Variants in NKAIN2 observed in about 807,000 individuals in gnomAD.
The protein encoded by NKAIN2 is sodium/potassium-transporting ATPase subunit beta-1-interacting protein 2.
NKAIN2 carries 14 observed loss-of-function variants against 32.6 expected under a neutral mutation model. The observed-to-expected ratio is 0.43, with a 90% CI of 0.28 to 0.67. The LOEUF (loss-of-function observed/expected upper bound fraction) is 0.67. NKAIN2 is among the 30% of genes least tolerant of loss of function. The probability of loss-of-function intolerance (pLI) is 0.17; values close to 1 mark genes in which losing one functional copy is unlikely to be tolerated. For missense variants in NKAIN2, 198 were observed against 258.3 expected (o/e 0.77, Z 1.60); for synonymous variants, 80 against 87.2 (o/e 0.92, Z 0.46).
chr6:123,826,584 A>T (rs916775843), intron 1 of NKAIN2, among the ~76,000 whole-genome samples: 1 of 152,102 alleles, frequency 6.6e-6, no homozygotes, highest in Non-Finnish European at 1.5e-5. Context: ...ACTGTTCTAA[A>T]TATCTCATAT....
intron 1 of NKAIN2, among the ~76,000 whole-genome samples, chr6:124,259,427 T>C (rs939908440): frequency 4.6e-5 from 7 of 152,084 alleles, no homozygotes; most frequent in African/African-American, 1.4e-4. Flanking sequence ...GAACCCAAAT[T>C]AGGCAAATGT....
chr6:124,267,129 C>G (rs1327796266), intron 1 of NKAIN2, among the ~76,000 whole-genome samples: 1 of 151,570 alleles, frequency 6.6e-6, no homozygotes, highest in Non-Finnish European at 1.5e-5. Flanking sequence ...GAATGGCTGT[C>G]AGAACTCTGA....
At position 124,096,730 on chromosome 6, in the gene NKAIN2, T is replaced by C. The variant is rs562901558; in HGVS notation, c.55-186275T>C. Among the ~76,000 whole-genome samples the C allele has an allele frequency of 2.2e-3, 339 of 151,640 alleles. 2 individuals carry two copies. The highest frequency in any genetic ancestry group is 3.9e-3 in the Non-Finnish European group (266 of 67,848). ...AAAATTAGCCGGGCGTGGTGGCGGA[T>C]GCCTGTAGTCCCAGCTACTCTGGAG... On this transcript the variant is annotated intron_variant, in intron 1 of 6. Coordinates refer to ENST00000368417, the MANE Select transcript of NKAIN2 (RefSeq NM_001040214.3).
At chr6:124,564,487 C>T (rs1023680615) in intron 3 of NKAIN2, among the ~76,000 whole-genome samples, 1 of 36,106 alleles carries the variant, frequency 2.8e-5, no homozygotes, top group Non-Finnish European at 1.7e-4. Flanking sequence ...GCTGGCCAAC[C>T]CCCCCCTCCC....
At chr6:123,822,800 C>T (rs1211717504) in intron 1 of NKAIN2, among the ~76,000 whole-genome samples, 1 of 152,154 alleles carries the variant, frequency 6.6e-6, no homozygotes, top group Non-Finnish European at 1.5e-5. Context: ...CTCTATGCCT[C>T]AATTTCTTAA....
chr6:123,912,640 C>T (rs529098195), intron 1 of NKAIN2, among the ~76,000 whole-genome samples: 1 of 152,298 alleles, frequency 6.6e-6, no homozygotes, highest in African/African-American at 2.4e-5. Flanking sequence ...TCCTCTCTCT[C>T]TTGCTTCCTC....
chr6:124,306,547 C>G (rs751242626), intron 2 of NKAIN2, among the ~76,000 whole-genome samples: 2 of 152,120 alleles, frequency 1.3e-5, no homozygotes, highest in East Asian at 1.9e-4. Context: ...TGTCATGACT[C>G]AGTACTTCTA....
intron 3 of NKAIN2, among the ~76,000 whole-genome samples, chr6:124,492,551 A>ATTTCTAAT (rs1777905767): frequency 1.3e-5 from 2 of 151,960 alleles, no homozygotes; most frequent in Non-Finnish European, 2.9e-5. Context: ...CACCATTAGG[A>ATTTCTAAT]CTAAAGTCAG....
intron 3 of NKAIN2, among the ~76,000 whole-genome samples, chr6:124,474,172 A>T (rs1777090280): frequency 6.6e-6 from 1 of 151,932 alleles, no homozygotes; most frequent in South Asian, 2.1e-4. Context: ...GTATGATCAT[A>T]ATCTTTAGAG....
intron 4 of NKAIN2, among the ~76,000 whole-genome samples, chr6:124,686,833 G>A (rs920609194): frequency 6.6e-6 from 1 of 152,118 alleles, no homozygotes; most frequent in African/African-American, 2.4e-5. Flanking sequence ...TGAGGGTGAT[G>A]CCAAAGGAGA....
intron 2 of NKAIN2, among the ~76,000 whole-genome samples, chr6:124,335,142 C>A (rs1221490090): frequency 5.3e-5 from 8 of 152,014 alleles, no homozygotes; most frequent in Non-Finnish European, 1.2e-4. Flanking sequence ...AATATGCACC[C>A]AGTAAAAATT....
chr6:124,594,893 G>T (rs1177476790), intron 3 of NKAIN2, among the ~76,000 whole-genome samples: 1 of 152,104 alleles, frequency 6.6e-6, no homozygotes, highest in African/African-American at 2.4e-5. Flanking sequence ...TCACAGGAGG[G>T]AAGGTGGAAA....
At chr6:123,894,200 C>G (rs1250512975) in intron 1 of NKAIN2, among the ~76,000 whole-genome samples, 1 of 151,982 alleles carries the variant, frequency 6.6e-6, no homozygotes, top group Admixed American at 6.5e-5. Context: ...CTCTTGAGCC[C>G]TGAGCTGTCC....
chr6:124,424,385 T>G (rs1483318959), intron 3 of NKAIN2, among the ~76,000 whole-genome samples: 1 of 152,156 alleles, frequency 6.6e-6, no homozygotes, highest in Non-Finnish European at 1.5e-5. Flanking sequence ...GTTACTACTG[T>G]GTGTGTGTAT....
At chr6:123,969,837 G>A (rs1244711116) in intron 1 of NKAIN2, among the ~76,000 whole-genome samples, 1 of 151,980 alleles carries the variant, frequency 6.6e-6, no homozygotes, top group Non-Finnish European at 1.5e-5. Flanking sequence ...ATGATCTCTG[G>A]GTTACCCAAC....
chr6:124,591,383 G>A (rs911320899), intron 3 of NKAIN2, among the ~76,000 whole-genome samples: 12 of 152,182 alleles, frequency 7.9e-5, no homozygotes, highest in Non-Finnish European at 1.3e-4. Context: ...ATGTGAAATT[G>A]TATGGGGAGA....
chr6:123,884,876 A>T (rs1002781214), intron 1 of NKAIN2, among the ~76,000 whole-genome samples: 3 of 152,124 alleles, frequency 2.0e-5, no homozygotes, highest in Non-Finnish European at 2.9e-5. Flanking sequence ...CATTTCAGTC[A>T]TTTTAACAGT....
At chr6:124,397,151 A>G (rs1773415877) in intron 3 of NKAIN2, among the ~76,000 whole-genome samples, 1 of 152,030 alleles carries the variant, frequency 6.6e-6, no homozygotes, top group African/African-American at 2.4e-5. Flanking sequence ...CTAAATACAC[A>G]TAATAAAGAA....
intron 3 of NKAIN2, among the ~76,000 whole-genome samples, chr6:124,416,383 C>T (rs1211309542): frequency 6.6e-6 from 1 of 152,184 alleles, no homozygotes; most frequent in Non-Finnish European, 1.5e-5. Context: ...GTGGCCCATA[C>T]CTGTAATTGT....
Sources: allele counts gnomAD v4.1 joint callset (sites outside exome capture counted in the v4.1 genomes callset), GRCh38; gene constraint gnomAD v4.1.1; transcripts MANE v1.5; gene names NCBI Gene and HGNC (gene_info 2026-07-23, HGNC 2026-07-21).